ACTR3B: variants seen among roughly 807,000 people sequenced by gnomAD.
ACTR3B encodes the protein actin-related protein 3B.
Under a neutral mutation model 59.0 loss-of-function variants are expected in ACTR3B, and 8 were observed. The ratio of observed to expected loss-of-function variants is 0.14; its 90% CI spans 0.08 to 0.24. The LOEUF is 0.24. Ranked by LOEUF, ACTR3B falls within the 10% of genes least tolerant of loss-of-function variation. ACTR3B has a pLI of 1.00. For synonymous variants in ACTR3B, 148 were observed against 197.9 expected (o/e 0.75, Z 2.12); for missense variants, 245 against 552.3 (o/e 0.44, Z 5.58).
intron 9 of ACTR3B, among the ~76,000 whole-genome samples, chr7:152,829,055 T>C (rs1336607917): frequency 2.1e-4 from 31 of 144,932 alleles, no homozygotes; most frequent in East Asian, 3.9e-4. Context: ...TATATATATA[T>C]ATACACACAC....
chr7:152,767,093 GTTTTT>G (rs59830659), intron 1 of ACTR3B, among the ~76,000 whole-genome samples: 1 of 141,674 alleles, frequency 7.1e-6, no homozygotes, highest in Non-Finnish European at 1.5e-5. Flanking sequence ...CAGCTGGTAG[GTTTTT>G]TTTTTTTTTT....
chr7:152,799,968 A>G (rs2098229605), intron 2 of ACTR3B, among the ~76,000 whole-genome samples: 2 of 152,222 alleles, frequency 1.3e-5, no homozygotes, highest in African/African-American at 4.8e-5. Context: ...TTTTTATGTA[A>G]TAGTTATTTG....
chr7:152,795,956 G>C (rs961646936), intron 2 of ACTR3B, among the ~76,000 whole-genome samples: 1 of 151,638 alleles, frequency 6.6e-6, no homozygotes, highest in East Asian at 1.9e-4. Flanking sequence ...TGATTCTCCT[G>C]CCTCAGCCTC....
chr7:152,764,478 A>AG (rs2098101629), intron 1 of ACTR3B, among the ~76,000 whole-genome samples: 1 of 151,936 alleles, frequency 6.6e-6, no homozygotes, highest in African/African-American at 2.4e-5. Context: ...CTAAAAAAAA[A>AG]AAGAAATACA....
intron 1 of ACTR3B, among the ~76,000 whole-genome samples, chr7:152,768,586 C>T (rs2098116582): frequency 6.6e-6 from 1 of 150,728 alleles, no homozygotes; most frequent in African/African-American, 2.4e-5. Flanking sequence ...AAGCAATTCT[C>T]CTGCCTCAGC....
chr7:152,835,784 A>G (rs1797404140), intron 9 of ACTR3B, among the ~76,000 whole-genome samples: 1 of 151,938 alleles, frequency 6.6e-6, no homozygotes, highest in Admixed American at 6.6e-5. Context: ...TCATCTCCTA[A>G]TTTGCTACAT....
intron 2 of ACTR3B, among the ~76,000 whole-genome samples, chr7:152,789,436 A>C (rs1590257492): frequency 6.6e-6 from 1 of 150,880 alleles, no homozygotes; most frequent in Admixed American, 6.6e-5. Context: ...AGTTTTTGCT[A>C]GCTTTATTTT....
intron 4 of ACTR3B, among the ~76,000 whole-genome samples, chr7:152,808,987 GT>G (rs1326542702): frequency 1.3e-5 from 2 of 152,138 alleles, no homozygotes; most frequent in Non-Finnish European, 2.9e-5. Flanking sequence ...TCTTACTCAT[GT>G]GCTTTAAATG....
chr7:152,787,058 A>G (rs2098177090), intron 2 of ACTR3B, among the ~76,000 whole-genome samples: 1 of 152,200 alleles, frequency 6.6e-6, no homozygotes, highest in East Asian at 1.9e-4. Context: ...GTTTTGTCAC[A>G]GAGCGTACAC....
chr7:152,844,484 A>T (rs1387422481), intron 9 of ACTR3B, among the ~76,000 whole-genome samples: 10 of 152,138 alleles, frequency 6.6e-5, no homozygotes, highest in Non-Finnish European at 1.3e-4. Context: ...ATAGTGATTT[A>T]AAAAAATCTA....
At chr7:152,810,761 G>C (rs929799370) in intron 4 of ACTR3B, 2 of 152,028 alleles carry the variant, frequency 1.3e-5, no homozygotes, top group Non-Finnish European at 1.5e-5. Flanking sequence ...ACTTAACTGA[G>C]CGTGATGGCA....
intron 2 of ACTR3B, among the ~76,000 whole-genome samples, chr7:152,790,331 G>C (rs1326492511): frequency 3.9e-5 from 6 of 152,106 alleles, no homozygotes; most frequent in Admixed American, 3.9e-4. Context: ...TTCGAATATT[G>C]AACAGTTATT....
intron 2 of ACTR3B, among the ~76,000 whole-genome samples, chr7:152,799,738 A>G (rs1419333042): frequency 2.0e-5 from 3 of 152,238 alleles, no homozygotes; most frequent in African/African-American, 7.2e-5. Context: ...GATGGTGTTG[A>G]TGTCGAGACC....
intron 9 of ACTR3B, among the ~76,000 whole-genome samples, chr7:152,831,283 G>A (rs989441895): frequency 3.9e-5 from 6 of 152,242 alleles, no homozygotes; most frequent in African/African-American, 1.4e-4. Flanking sequence ...TGCCACTGTG[G>A]CAACATCGAG....
rs1418937828 is a variant in ACTR3B, at chr7:152,854,232, G to A, written c.1162-226G>A. ...GCTCACACATTGTTAGTGGGGGACC[G>A]GCATTTGGTTGGTCCTAAGAAGATA... On this transcript the variant is annotated intron_variant, in intron 11 of 11. Coordinates refer to ENST00000256001, the MANE Select transcript of ACTR3B (RefSeq NM_020445.6). The surrounding 1 kb of genome is among the most constrained non-coding windows in gnomAD (Gnocchi z 4.9). Among the ~76,000 whole-genome samples, 4 of 152,126 alleles carry A rather than the reference G, an allele frequency of 2.6e-5. No homozygotes were observed. The highest frequency in any genetic ancestry group is 5.9e-5 in the Non-Finnish European group (4 of 68,022).
chr7:152,799,451 T>C (rs1179995618), intron 2 of ACTR3B, among the ~76,000 whole-genome samples: 1 of 152,224 alleles, frequency 6.6e-6, no homozygotes, highest in Non-Finnish European at 1.5e-5. Flanking sequence ...ATTGTGAGGA[T>C]GTAATAAAAT....
At position 152,854,785 on chromosome 7, in the gene ACTR3B, C is replaced by T. The variant is rs1215097177; in HGVS notation, c.*232C>T. The T allele has an allele frequency of 4.2e-6, 2 of 480,704 alleles. No homozygotes were observed. Among genetic ancestry groups the T allele is most frequent in the Non-Finnish European group, 3.7e-6 (1 of 267,920 alleles). 29.8% of individuals were successfully genotyped at this position (480,704 alleles called of 1,614,324 possible). A position where few individuals can be genotyped will look rare whatever the true frequency, so the allele number is the denominator to read the frequency against. Reference sequence around the variant, plus strand: ...CTCCCGCCCTCCTCACCCTCGCTCTCCCTCCTCCTCCTCCTCCGAGCTGCT... The same window carrying T: ...CTCCCGCCCTCCTCACCCTCGCTCTTCCTCCTCCTCCTCCTCCGAGCTGCT... On this transcript the variant is annotated 3_prime_UTR_variant, in exon 12 of 12. Coordinates refer to ENST00000256001, the MANE Select transcript of ACTR3B (RefSeq NM_020445.6). This position sits in a 1 kb window ranked among gnomAD's most constrained non-coding sequence, Gnocchi z 4.9.
Position 152,853,406 on chromosome 7 carries a change from G to C in ACTR3B, c.1078-88G>C. 6.6e-6 allele frequency: 8 copies of C among 1,216,370 alleles called. No individual in the cohort carries two copies. The South Asian group carries it at 8.9e-5, about 14-fold the overall frequency. 75.3% of individuals were successfully genotyped at this position (1,216,370 alleles called of 1,614,324 possible). A position where few individuals can be genotyped will look rare whatever the true frequency, so the allele number is the denominator to read the frequency against. Reference sequence around the variant, plus strand: ...GTGCCATAAGAGGAGGGCGGCCCTGGGTGCAGCTGTGGTCTCGTCAGCCGG... The same window carrying C: ...GTGCCATAAGAGGAGGGCGGCCCTGCGTGCAGCTGTGGTCTCGTCAGCCGG... On this transcript the variant is annotated intron_variant, in intron 10 of 11. Coordinates refer to ENST00000256001, the MANE Select transcript of ACTR3B (RefSeq NM_020445.6).
At chr7:152,836,355 C>T (rs989244015) in intron 9 of ACTR3B, among the ~76,000 whole-genome samples, 1 of 151,820 alleles carries the variant, frequency 6.6e-6, no homozygotes, top group Non-Finnish European at 1.5e-5. Flanking sequence ...CCCATCACTT[C>T]GGGAGGCCAA....
Sources: gnomAD v4.1 joint callset for allele counts (sites outside exome capture counted in the v4.1 genomes callset) on GRCh38, gnomAD v4.1.1 for gene constraint, Gnocchi (gnomAD v3.1) non-coding constraint, MANE v1.5 for transcripts, NCBI Gene and HGNC (gene_info 2026-07-23, HGNC 2026-07-21) for gene names.